APLN: variants seen among roughly 807,000 people sequenced by gnomAD.
APLN encodes the protein AGTRL1 ligand.
Under a neutral mutation model 4.3 loss-of-function variants are expected in APLN, and 2 were observed. The observed-to-expected ratio is 0.46, with a 90% CI of 0.19 to 1.45. The LOEUF (loss-of-function observed/expected upper bound fraction) is 1.45, where lower values mean the gene tolerates loss of function less well. Ranked by LOEUF, APLN falls within the 40% of genes most tolerant of loss-of-function variation. The pLI is 0.25. For missense variants in APLN, 80 were observed against 70.0 expected (o/e 1.14, Z -0.51); for synonymous variants, 34 against 30.4 (o/e 1.12, Z -0.38).
Position 129,645,876 on chromosome X carries a change from G to C in APLN, c.*2047C>G, listed in dbSNP as rs929163956. The stretch of plus-strand genomic sequence containing the variant: ...CAATCTTTACAAACATTGAACACAG[G>C]GGAAGGGAACAATTTCTTAATGAAC... On this transcript the variant is annotated 3_prime_UTR_variant, in exon 3 of 3. Transcript: ENST00000429967. The C allele has an allele frequency of 3.6e-5, 4 of 112,453 alleles. No individual in the cohort carries two copies. Among genetic ancestry groups the C allele is most frequent in the Non-Finnish European group, 7.5e-5 (4 of 53,209 alleles). 9.3% of individuals were successfully genotyped at this position (112,453 alleles called of 1,213,427 possible).
At chrX:129,648,330 A>G (rs1936954228) in intron 2 of APLN, among the ~76,000 whole-genome samples, 1 of 112,453 alleles carries the variant, frequency 8.9e-6, no homozygotes, top group Admixed American at 9.3e-5. Context: ...CAGGATGTCT[A>G]GAAATCTCTA....
At chrX:129,653,597 C>T (rs1476120973) in intron 1 of APLN, among the ~76,000 whole-genome samples, 1 of 112,483 alleles carries the variant, frequency 8.9e-6, no homozygotes, top group East Asian at 2.8e-4. Context: ...GAGACATTGA[C>T]ACAGAGGACA....
chrX:129,650,982 G>A (rs1395238603), intron 1 of APLN, among the ~76,000 whole-genome samples: 1 of 111,823 alleles, frequency 8.9e-6, no homozygotes, highest in Non-Finnish European at 1.9e-5. Flanking sequence ...TGGGGCAGTG[G>A]TGCAGGCCAT....
chrX:129,649,086 G>T (rs1936961408), intron 1 of APLN, among the ~76,000 whole-genome samples: 1 of 111,038 alleles, frequency 9.0e-6, no homozygotes, highest in Non-Finnish European at 1.9e-5. Flanking sequence ...TCATTGGGGG[G>T]TGTGCACTTT....
Position 129,648,629 on chromosome X carries a change from G to A in APLN, c.231C>T (p.Phe77=). 8.3e-7 allele frequency: 1 copy of A among 1,206,466 alleles called. No individual in the cohort carries two copies. Among genetic ancestry groups the A allele is most frequent in the Non-Finnish European group, 1.1e-6 (1 of 893,006 alleles). The change falls in exon 2 of 3, where the codon TTC becomes TTT. Residue 77 remains phenylalanine (F), a synonymous_variant. Coordinates refer to ENST00000429967, the MANE Select transcript of APLN (RefSeq NM_017413.5). ...AACAGAGGCTCAAGTACCTGCTTCA[G>A]AAAGGCATGGGTCCCTTATGGGAGA... is the stretch of plus-strand genomic sequence containing the variant. ...PRLSHKGPMP[F]
In APLN at chrX:129,647,475, GGC is replaced by G; in HGVS notation, c.*446_*447del. The G allele has an allele frequency of 2.2e-6, 1 of 445,278 alleles. No homozygotes were observed. Among genetic ancestry groups the G allele is most frequent in the Non-Finnish European group, 3.3e-6 (1 of 303,708 alleles). 36.7% of individuals were successfully genotyped at this position (445,278 alleles called of 1,213,427 possible). A position where few individuals can be genotyped will look rare whatever the true frequency, so the allele number is the denominator to read the frequency against. ...GCTTTTCTCTGCATTCTTCCCTGGAGGCCAGGTGAGGGGTCCAACTGACAGGA... is the reference window on the plus strand; with the variant it reads ...GCTTTTCTCTGCATTCTTCCCTGGAGCAGGTGAGGGGTCCAACTGACAGGA... On this transcript the variant is annotated 3_prime_UTR_variant, in exon 3 of 3. Coordinates refer to ENST00000429967, the MANE Select transcript of APLN (RefSeq NM_017413.5).
chrX:129,653,058 C>T lies in APLN; in HGVS notation c.67+1506G>A, dbSNP rs772809317. ...GGTATGGTGTATCATTCGTATCTTA[C>T]ATTCGTATCTTTTGCTCCCTCTGTT... On this transcript the variant is annotated intron_variant, in intron 1 of 2. Transcript: ENST00000429967. 2.7e-5 allele frequency among the ~76,000 whole-genome samples: 3 copies of T among 112,816 alleles called. No individual in the cohort carries two copies. In the South Asian group the frequency reaches 1.1e-3, roughly 41 times the overall value.
chrX:129,648,923 T>C (rs1176470560), intron 1 of APLN, 131 bp from the exon 2 acceptor site: 1 of 690,940 alleles, frequency 1.4e-6, no homozygotes, highest in East Asian at 3.7e-5. Flanking sequence ...TGTTTCTTTT[T>C]TTCATATTGA....
In APLN at chrX:129,646,777, C is replaced by T. The variant is rs1375770223; in HGVS notation, c.*1146G>A. 1 of 112,299 alleles carries T rather than the reference C, an allele frequency of 8.9e-6. No homozygotes were observed. The highest frequency in any genetic ancestry group is 3.2e-5 in the African/African-American group (1 of 30,774). The allele number at this position is 112,299 out of a possible 1,213,427, so 9.3% of individuals were successfully genotyped here. A position where few individuals can be genotyped will look rare whatever the true frequency, so the allele number is the denominator to read the frequency against. ...GGCAGCTGGCCAGTTATGGAACCTT[C>T]CAGCCCAGCTGGGGGAATGGTGCAG... On this transcript the variant is annotated 3_prime_UTR_variant, in exon 3 of 3. Transcript: ENST00000429967.
rs571035548 is a variant in APLN, at chrX:129,648,735, A to G, written c.125T>C (p.Leu42Pro). The G allele has an allele frequency of 8.2e-5, 97 of 1,175,913 alleles. No individual in the cohort carries two copies. The South Asian group carries it at 1.5e-3, about 18-fold the overall frequency. The change falls in exon 2 of 3, where the codon CTG (leucine) becomes CCG (proline). Residue 42 changes from leucine to proline, a missense_variant. Coordinates refer to ENST00000429967, the MANE Select transcript of APLN (RefSeq NM_017413.5). ...NGLEDGNVRH[L>P]VQPRGSRNGP... ...ATTCCTTGACCCTCTGGGCTGCACC[A>G]GGTGGCGGACATTGCCGTCTTCCAG...
intron 1 of APLN, among the ~76,000 whole-genome samples, chrX:129,654,070 G>C (rs1026019667): frequency 1.8e-5 from 2 of 113,150 alleles, no homozygotes; most frequent in Non-Finnish European, 3.8e-5. Context: ...CAAGTGTCAC[G>C]TCTGCATGTT....
chrX:129,648,737 G>A lies in APLN; in HGVS notation c.123C>T (p.His41=). ...GNGLEDGNVR[H]LVQPRGSRNG... ...TCCTTGACCCTCTGGGCTGCACCAGGTGGCGGACATTGCCGTCTTCCAGCC... is the reference window on the plus strand; with the variant it reads ...TCCTTGACCCTCTGGGCTGCACCAGATGGCGGACATTGCCGTCTTCCAGCC... The change falls in exon 2 of 3, where the codon CAC becomes CAT. Residue 41 remains histidine (H), a synonymous_variant. Transcript: ENST00000429967. 8.5e-7 allele frequency: 1 copy of A among 1,176,915 alleles called. No homozygotes were observed.
Position 129,654,578 on chromosome X carries a change from G to A in APLN, c.53C>T (p.Thr18Ile), listed in dbSNP as rs897871370. 6.1e-6 allele frequency: 7 copies of A among 1,155,599 alleles called. No individual in the cohort carries two copies. Among genetic ancestry groups the A allele is most frequent in the African/African-American group, 1.8e-5 (1 of 54,909 alleles). ...CGCGCACTCACCTCCACACACCGCGGTCAAGGAGAGCCAGAGCAGCAGGAG... is the reference window on the plus strand; with the variant it reads ...CGCGCACTCACCTCCACACACCGCGATCAAGGAGAGCCAGAGCAGCAGGAG... ...QALLLLWLSL[T>I]AVCGGSLMPL... The change falls in exon 1 of 3, where the codon ACC becomes ATC. Residue 18 changes from threonine (T) to isoleucine (I), a missense_variant. By Grantham distance (89) the Thr-to-Ile change is moderately conservative. Transcript: ENST00000429967.
At chrX:129,653,716 T>G (rs778663502) in intron 1 of APLN, among the ~76,000 whole-genome samples, 2 of 112,696 alleles carry the variant, frequency 1.8e-5, no homozygotes, top group East Asian at 5.6e-4. Flanking sequence ...TCCCCTTTCC[T>G]GAGCTGCAGG....
At position 129,647,767 on chromosome X, in the gene APLN, G is replaced by A. The variant is rs934986866; in HGVS notation, c.*156C>T. 1 of 983,162 alleles carries A rather than the reference G, an allele frequency of 1.0e-6. No homozygotes were observed. Among genetic ancestry groups the A allele is most frequent in the South Asian group, 2.0e-5 (1 of 50,536 alleles). 81.0% of individuals were successfully genotyped at this position (983,162 alleles called of 1,213,427 possible). On this transcript the variant is annotated 3_prime_UTR_variant, in exon 3 of 3. Transcript: ENST00000429967. ...ACTACAGCCAGGAGCACGCCACTGG[G>A]GGAAGCAGGCAGGTGAGAAGAGCTG...
intron 1 of APLN, among the ~76,000 whole-genome samples, chrX:129,652,601 G>A (rs1250375966): frequency 1.8e-5 from 2 of 112,577 alleles, no homozygotes; most frequent in Admixed American, 1.9e-4. Context: ...AGCCCTGAAA[G>A]TTTCCAGCAC....
rs1365531521 is a variant in APLN, at chrX:129,645,598, G to A, written c.*2325C>T. On this transcript the variant is annotated 3_prime_UTR_variant, in exon 3 of 3. Coordinates refer to ENST00000429967, the MANE Select transcript of APLN (RefSeq NM_017413.5). Reference sequence around the variant, plus strand: ...ACAGATGCCAGAAAACCTGTAAGTGGGCTGGATTTTATGTGACCTGGTCAT... The same window carrying A: ...ACAGATGCCAGAAAACCTGTAAGTGAGCTGGATTTTATGTGACCTGGTCAT... The A allele has an allele frequency of 8.9e-6, 1 of 112,444 alleles. No homozygotes were observed. Among genetic ancestry groups the A allele is most frequent in the Non-Finnish European group, 1.9e-5 (1 of 53,252 alleles). The allele number at this position is 112,444 out of a possible 1,213,427, so 9.3% of individuals were successfully genotyped here.
chrX:129,651,139 G>A (rs1398970076), intron 1 of APLN, among the ~76,000 whole-genome samples: 1 of 83,372 alleles, frequency 1.2e-5, no homozygotes, highest in East Asian at 7.1e-4. Flanking sequence ...AGCAGGGTTG[G>A]TGGCTCTGGC....
rs948616414 is a variant in APLN, at chrX:129,649,442, T to A, written c.68-650A>T. Among the ~76,000 whole-genome samples, 5 of 111,649 alleles carry A rather than the reference T, an allele frequency of 4.5e-5. No homozygotes were observed. In the Admixed American group the frequency reaches 4.7e-4, roughly 11 times the overall value. On this transcript the variant is annotated intron_variant, in intron 1 of 2. Coordinates refer to ENST00000429967, the MANE Select transcript of APLN (RefSeq NM_017413.5). The stretch of plus-strand genomic sequence containing the variant: ...GGTTAGGCATCTCTAGGGCGCCAAG[T>A]CCTCCCAGTGGATGGGGCTGGGCCA...
Sources: gnomAD v4.1 joint callset for allele counts (sites outside exome capture counted in the v4.1 genomes callset) on GRCh38, gnomAD v4.1.1 for gene constraint, MANE v1.5 for transcripts, NCBI Gene and HGNC (gene_info 2026-07-23, HGNC 2026-07-21) for gene names.